Variants in FAF1 observed in about 807,000 individuals in gnomAD.
The protein encoded by FAF1 is Fas associated factor 1.
In FAF1, 25 loss-of-function variants were observed where a neutral mutation model predicts 92.5. The ratio of observed to expected loss-of-function variants is 0.27; its 90% CI spans 0.20 to 0.38. The LOEUF (loss-of-function observed/expected upper bound fraction) is 0.38. Among genes scored for constraint, FAF1 ranks in the 10% least tolerant of loss-of-function variants. FAF1 has a pLI of 1.00. For synonymous variants in FAF1, 234 were observed against 273.2 expected (o/e 0.86, Z 1.42); for missense variants, 636 against 793.3 (o/e 0.80, Z 2.38).
intron 3 of FAF1, among the ~76,000 whole-genome samples, chr1:50,789,129 C>T (rs1028507544): frequency 6.6e-6 from 1 of 150,842 alleles, no homozygotes; most frequent in Non-Finnish European, 1.5e-5. Flanking sequence ...GCCACTGTAC[C>T]CAGGCTAAAA....
At chr1:50,652,460 C>A (rs1482311930) in intron 8 of FAF1, among the ~76,000 whole-genome samples, 1 of 152,132 alleles carries the variant, frequency 6.6e-6, no homozygotes, top group Non-Finnish European at 1.5e-5. Flanking sequence ...CCTGATAAGC[C>A]AATTTCAGTC....
chr1:50,838,402 T>C (rs1644229049), intron 2 of FAF1, among the ~76,000 whole-genome samples: 1 of 150,552 alleles, frequency 6.6e-6, no homozygotes, highest in South Asian at 2.1e-4. Context: ...AAATTTTACA[T>C]TACTTTTAAT....
intron 2 of FAF1, among the ~76,000 whole-genome samples, chr1:50,821,565 A>G (rs769591421): frequency 6.6e-6 from 1 of 152,220 alleles, no homozygotes; most frequent in South Asian, 2.1e-4. Context: ...CTCTGGAGCC[A>G]GAAAGCTATT....
At chr1:50,936,574 G>A (rs1431643472) in intron 1 of FAF1, among the ~76,000 whole-genome samples, 1 of 152,166 alleles carries the variant, frequency 6.6e-6, no homozygotes, top group Admixed American at 6.5e-5. Flanking sequence ...AAATTACAAG[G>A]AGCTTTGTTA....
intron 2 of FAF1, among the ~76,000 whole-genome samples, chr1:50,834,143 G>A (rs560573100): frequency 2.1e-4 from 32 of 152,234 alleles, no homozygotes; most frequent in South Asian, 1.0e-3. Flanking sequence ...CCCCCGCTTC[G>A]CCCTCTTCCT....
intron 1 of FAF1, among the ~76,000 whole-genome samples, chr1:50,901,648 T>C (rs182491802): frequency 3.0e-4 from 46 of 152,232 alleles, no homozygotes; most frequent in African/African-American, 1.1e-3. Context: ...GGTGGATCAC[T>C]TTGAGCTCAG....
chr1:50,906,372 G>A (rs1002733813), intron 1 of FAF1, among the ~76,000 whole-genome samples: 1 of 152,008 alleles, frequency 6.6e-6, no homozygotes, highest in East Asian at 1.9e-4. Flanking sequence ...GCTCTTTTTT[G>A]GTTCCATATG....
At chr1:50,705,216 G>T (rs1657625010) in intron 7 of FAF1, among the ~76,000 whole-genome samples, 1 of 152,184 alleles carries the variant, frequency 6.6e-6, no homozygotes. Context: ...CTCTCTTGGG[G>T]GAGGTTCTCT....
At chr1:50,558,482 G>C (rs1015464630) in intron 13 of FAF1, among the ~76,000 whole-genome samples, 1 of 152,116 alleles carries the variant, frequency 6.6e-6, no homozygotes, top group Admixed American at 6.6e-5. Flanking sequence ...TCTTGAGACA[G>C]TGATGATTCT....
chr1:50,921,231 GC>G (rs1644960594), intron 1 of FAF1, among the ~76,000 whole-genome samples: 1 of 152,188 alleles, frequency 6.6e-6, no homozygotes, highest in African/African-American at 2.4e-5. Context: ...GGACCGACCT[GC>G]CCCACCTGCA....
intron 2 of FAF1, among the ~76,000 whole-genome samples, chr1:50,850,285 T>C (rs1313496313): frequency 1.3e-5 from 2 of 152,166 alleles, no homozygotes; most frequent in Non-Finnish European, 2.9e-5. Context: ...CCAGGAGTTA[T>C]GGAAACTCAT....
At chr1:50,881,866 G>A (rs1450305352) in intron 1 of FAF1, among the ~76,000 whole-genome samples, 2 of 152,230 alleles carry the variant, frequency 1.3e-5, no homozygotes, top group East Asian at 3.9e-4. Context: ...TTATGAGAAG[G>A]CAACATTAAT....
chr1:50,898,684 T>C (rs1245883555), intron 1 of FAF1, among the ~76,000 whole-genome samples: 1 of 152,202 alleles, frequency 6.6e-6, no homozygotes, highest in African/African-American at 2.4e-5. Flanking sequence ...AACAAAGATA[T>C]TCCTTCACTG....
At chr1:50,912,520 A>C (rs1398343749) in intron 1 of FAF1, among the ~76,000 whole-genome samples, 1 of 152,218 alleles carries the variant, frequency 6.6e-6, no homozygotes, top group Non-Finnish European at 1.5e-5. Flanking sequence ...GTTGTTAAAA[A>C]GATGATTGAA....
chr1:50,947,195 A>C (rs1645177930), intron 1 of FAF1, among the ~76,000 whole-genome samples: 1 of 152,092 alleles, frequency 6.6e-6, no homozygotes, highest in South Asian at 2.1e-4. Context: ...TACTTCCCTT[A>C]GGGAAAAAGA....
intron 18 of FAF1, among the ~76,000 whole-genome samples, chr1:50,453,414 C>T (rs149652558): frequency 3.3e-5 from 5 of 152,318 alleles, no homozygotes; most frequent in Non-Finnish European, 4.4e-5. Flanking sequence ...TAGTCCCTAA[C>T]GACATACAAA....
chr1:50,515,302 T>C (rs986294532), intron 15 of FAF1, among the ~76,000 whole-genome samples: 4 of 152,198 alleles, frequency 2.6e-5, no homozygotes, highest in Non-Finnish European at 5.9e-5. Context: ...CTATGTAACT[T>C]GCCAATGGTG....
At chr1:50,520,692 C>CA (rs1362515291) in intron 15 of FAF1, among the ~76,000 whole-genome samples, 1 of 151,944 alleles carries the variant, frequency 6.6e-6, no homozygotes, top group East Asian at 1.9e-4. Context: ...ACTAAAAATA[C>CA]AAAAAATTAG....
chr1:50,484,813 A>G (rs1370327565), intron 17 of FAF1, among the ~76,000 whole-genome samples: 3 of 152,130 alleles, frequency 2.0e-5, no homozygotes, highest in Non-Finnish European at 2.9e-5. Flanking sequence ...TTAGGTAAAA[A>G]TTTAAAAGTA....
Sources: allele counts gnomAD v4.1 joint callset (sites outside exome capture counted in the v4.1 genomes callset), GRCh38; gene constraint gnomAD v4.1.1; transcripts MANE v1.5; gene names NCBI Gene and HGNC (gene_info 2026-07-23, HGNC 2026-07-21).